TRPS1: variants seen among roughly 807,000 people sequenced by gnomAD.
The protein encoded by TRPS1 is transcriptional repressor GATA binding 1.
In TRPS1, 6 loss-of-function variants were observed where a neutral mutation model predicts 101.2. The ratio of observed to expected loss-of-function variants is 0.06; its 90% CI spans 0.03 to 0.12. The LOEUF is 0.12. Ranked by LOEUF, TRPS1 falls within the 10% of genes least tolerant of loss-of-function variation. The pLI is 1.00. For synonymous variants in TRPS1, 578 were observed against 589.8 expected (o/e 0.98, Z 0.29); for missense variants, 1,363 against 1,567.0 (o/e 0.87, Z 2.20).
At chr8:115,629,253 GTT>G (rs1482178594) in intron 1 of TRPS1, among the ~76,000 whole-genome samples, 4 of 151,592 alleles carry the variant, frequency 2.6e-5, no homozygotes, top group African/African-American at 9.7e-5. Flanking sequence ...ATTTGTTTTT[GTT>G]TTTTTGTTTT....
chr8:115,661,594 C>T (rs1235691565), intron 1 of TRPS1: 1 of 152,022 alleles, frequency 6.6e-6, no homozygotes, highest in Non-Finnish European at 1.5e-5. Flanking sequence ...TACTGCTGTT[C>T]ATTATACAAC....
At chr8:115,613,838 T>C (rs1818222061) in intron 3 of TRPS1, among the ~76,000 whole-genome samples, 1 of 152,218 alleles carries the variant, frequency 6.6e-6, no homozygotes, top group Non-Finnish European at 1.5e-5. Flanking sequence ...TTTGATTATG[T>C]AAACTAAAAG....
intron 5 of TRPS1, among the ~76,000 whole-genome samples, chr8:115,576,347 G>A (rs1308079747): frequency 1.3e-5 from 2 of 151,572 alleles, no homozygotes; most frequent in Admixed American, 6.6e-5. Context: ...GCATCATTAC[G>A]TCCAAAATAT....
chr8:115,468,828 C>T (rs1371223735), intron 5 of TRPS1, among the ~76,000 whole-genome samples: 1 of 152,182 alleles, frequency 6.6e-6, no homozygotes, highest in Non-Finnish European at 1.5e-5. Flanking sequence ...TAGTACATTA[C>T]TTGTTTGCCT....
At chr8:115,490,913 C>G (rs1815005494) in intron 5 of TRPS1, among the ~76,000 whole-genome samples, 1 of 152,166 alleles carries the variant, frequency 6.6e-6, no homozygotes, top group South Asian at 2.1e-4. Flanking sequence ...AGATTCTCTG[C>G]ATTTATAATA....
In TRPS1 at chr8:115,441,132, T is replaced by C. The variant is rs189186688; in HGVS notation, c.2701-22680A>G. Among the ~76,000 whole-genome samples the C allele has an allele frequency of 1.8e-3, 279 of 152,326 alleles. 7 individuals are homozygous for C. Among genetic ancestry groups the C allele is most frequent in the Admixed American group, 0.017 (253 of 15,308 alleles). ...ATTAGGCCGCCTTTCTAACTTCACATAGCTTTCAAAAGGCAGAATCACTCA... is the reference window on the plus strand; with the variant it reads ...ATTAGGCCGCCTTTCTAACTTCACACAGCTTTCAAAAGGCAGAATCACTCA... On this transcript the variant is annotated intron_variant, in intron 5 of 6. Transcript: ENST00000395715.
At chr8:115,668,500 C>A (rs1443296155) in intron 1 of TRPS1, 45 bp downstream of exon 1, 1 of 146,180 alleles carries the variant, frequency 6.8e-6, no homozygotes, top group Non-Finnish European at 1.5e-5. Context: ...CCCGCGCCCC[C>A]CGCAGCCCCC....
chr8:115,556,217 T>C (rs1279725769), intron 5 of TRPS1, among the ~76,000 whole-genome samples: 2 of 152,120 alleles, frequency 1.3e-5, no homozygotes, highest in Non-Finnish European at 2.9e-5. Context: ...CCTGAAAGTT[T>C]TGAAATTGTC....
At chr8:115,620,553 A>G (rs937131990) in intron 2 of TRPS1, among the ~76,000 whole-genome samples, 1 of 152,228 alleles carries the variant, frequency 6.6e-6, no homozygotes, top group African/African-American at 2.4e-5. Flanking sequence ...CATAAATAAC[A>G]TAAATTGGAA....
intron 5 of TRPS1, among the ~76,000 whole-genome samples, chr8:115,501,996 C>T (rs1355743747): frequency 6.6e-6 from 1 of 151,906 alleles, no homozygotes; most frequent in Non-Finnish European, 1.5e-5. Context: ...CATGATTCAC[C>T]ATCAACAAAG....
intron 3 of TRPS1, among the ~76,000 whole-genome samples, chr8:115,616,354 A>T (rs1460564174): frequency 6.6e-6 from 1 of 152,210 alleles, no homozygotes; most frequent in Non-Finnish European, 1.5e-5. Flanking sequence ...AATAACTTGC[A>T]CTTAAACCGG....
At chr8:115,581,075 A>T (rs1817438012) in intron 5 of TRPS1, among the ~76,000 whole-genome samples, 1 of 152,216 alleles carries the variant, frequency 6.6e-6, no homozygotes, top group Non-Finnish European at 1.5e-5. Context: ...TCATAAAAAA[A>T]GAATAAAATT....
chr8:115,440,993 AC>A (rs1253791764), intron 5 of TRPS1, among the ~76,000 whole-genome samples: 1 of 152,166 alleles, frequency 6.6e-6, no homozygotes, highest in African/African-American at 2.4e-5. Context: ...CTAAAAAAAA[AC>A]CTCATGATCT....
chr8:115,559,199 T>C (rs1265320259), intron 5 of TRPS1, among the ~76,000 whole-genome samples: 1 of 152,140 alleles, frequency 6.6e-6, no homozygotes, highest in Non-Finnish European at 1.5e-5. Flanking sequence ...TTATTAACAT[T>C]AATAAAAATG....
chr8:115,442,593 ATGTG>A (rs2129887287), intron 5 of TRPS1, among the ~76,000 whole-genome samples: 1 of 146,940 alleles, frequency 6.8e-6, no homozygotes, highest in East Asian at 2.0e-4. Flanking sequence ...GTGTGTGTGC[ATGTG>A]TGTGTTTGGG....
In TRPS1 at chr8:115,604,365, C is replaced by A; in HGVS notation, c.1604G>T (p.Ser535Ile). 6.2e-7 allele frequency: 1 copy of A among 1,614,020 alleles called. No individual in the cohort carries two copies. Among genetic ancestry groups the A allele is most frequent in the South Asian group, 1.1e-5 (1 of 91,070 alleles). The change falls in exon 4 of 7, where the codon AGC (serine) becomes ATC (isoleucine). Residue 535 changes from serine (S) to isoleucine (I), a missense_variant. Transcript: ENST00000395715. This position sits in a 1 kb window ranked among gnomAD's most constrained non-coding sequence, Gnocchi z 4.1. ...GAAGTCACAGAACTGACAATTATAG[C>A]TCGTTACCATATTATCCTCGGCTCC... ...SKGAEDNMVT[S>I]YNCQFCDFRY...
chr8:115,522,922 A>T (rs1815901736), intron 5 of TRPS1, among the ~76,000 whole-genome samples: 1 of 152,060 alleles, frequency 6.6e-6, no homozygotes, highest in South Asian at 2.1e-4. Flanking sequence ...CTTGATTCTG[A>T]AAGATCTACA....
intron 5 of TRPS1, among the ~76,000 whole-genome samples, chr8:115,562,824 T>A (rs1006096403): frequency 6.6e-5 from 10 of 151,484 alleles, no homozygotes; most frequent in African/African-American, 2.4e-4. Context: ...TCTAAGATAA[T>A]GTGGATATAA....
rs1396868777 is a variant in TRPS1 at position 115,418,227 on chromosome 8, C to CG, written c.2823+102dup. ...AAGTGACTGTATTAAAACAACCCTG[C>CG]GGGGGCAGGCACTGCAAGCCAGGGA... is the stretch of plus-strand genomic sequence containing the variant. On this transcript the variant is annotated intron_variant, in intron 6 of 6. Coordinates refer to ENST00000395715, the MANE Select transcript of TRPS1 (RefSeq NM_014112.5). This position sits in a 1 kb window ranked among gnomAD's most constrained non-coding sequence, Gnocchi z 4.3. 1 of 1,594,382 alleles carries CG rather than the reference C, an allele frequency of 6.3e-7. No homozygotes were observed. Among genetic ancestry groups the CG allele is most frequent in the Non-Finnish European group, 8.6e-7 (1 of 1,164,466 alleles).
Sources: gnomAD v4.1 joint callset for allele counts (sites outside exome capture counted in the v4.1 genomes callset) on GRCh38, gnomAD v4.1.1 for gene constraint, Gnocchi (gnomAD v3.1) non-coding constraint, MANE v1.5 for transcripts, NCBI Gene and HGNC (gene_info 2026-07-23, HGNC 2026-07-21) for gene names.